The following MAGI2 variants were observed in gnomAD, a reference collection of about 807,000 sequenced individuals.
MAGI2 encodes the protein membrane-associated guanylate kinase, WW and PDZ domain-containing protein 2.
A neutral mutation model predicts 133.3 loss-of-function variants in MAGI2; 35 were observed. The ratio of observed to expected loss-of-function variants is 0.26; its 90% CI spans 0.20 to 0.35. MAGI2 has a LOEUF of 0.35. Ranked by LOEUF, MAGI2 falls within the 10% of genes least tolerant of loss-of-function variation. The pLI, the probability that MAGI2 is intolerant of heterozygous loss-of-function variation, is 1.00. For missense variants in MAGI2, 1,636 were observed against 1,863.4 expected (o/e 0.88, Z 2.25); for synonymous variants, 729 against 710.6 (o/e 1.03, Z -0.41).
At chr7:79,227,613 C>A (rs931901901) in intron 1 of MAGI2, among the ~76,000 whole-genome samples, 27 of 152,150 alleles carry the variant, frequency 1.8e-4, no homozygotes, top group Non-Finnish European at 3.4e-4. Context: ...TATAATGTCA[C>A]TTCTTTCTCT....
chr7:78,557,206 G>A (rs905760318), intron 3 of MAGI2, among the ~76,000 whole-genome samples: 2 of 151,756 alleles, frequency 1.3e-5, no homozygotes, highest in African/African-American at 4.8e-5. Context: ...ACTCAGTGAT[G>A]TGAGTTTTAC....
rs369277824 is a variant in MAGI2, at chr7:78,968,611, C to T, written c.418+38479G>A. ...TTGATCTTCATAGTATAGCACTTTT[C>T]AGCTATTGTTATATTACATACAGCT... On this transcript the variant is annotated intron_variant, in intron 2 of 21. Coordinates refer to ENST00000354212, the MANE Select transcript of MAGI2 (RefSeq NM_012301.4). Among the ~76,000 whole-genome samples the T allele has an allele frequency of 1.5e-4, 23 of 152,138 alleles. No individual in the cohort carries two copies. The South Asian group carries it at 3.1e-3, about 21-fold the overall frequency.
At chr7:78,405,856 A>G (rs1469934584) in intron 6 of MAGI2, among the ~76,000 whole-genome samples, 5 of 152,002 alleles carry the variant, frequency 3.3e-5, no homozygotes, top group Non-Finnish European at 5.9e-5. Context: ...ATTGTCTACA[A>G]AAAACAATAA....
chr7:78,588,743 A>G (rs942100969), intron 3 of MAGI2, among the ~76,000 whole-genome samples: 7 of 152,226 alleles, frequency 4.6e-5, no homozygotes, highest in Non-Finnish European at 8.8e-5. Context: ...AGAATTTGCC[A>G]TAATAAAGCA....
rs1410780276 is a variant in MAGI2 at position 79,201,261 on chromosome 7, G to GCTTACT, written c.302-194061_302-194056dup. 2.0e-5 allele frequency among the ~76,000 whole-genome samples: 3 copies of GCTTACT among 152,004 alleles called. No homozygotes were observed. The East Asian group carries it at 5.8e-4, about 29-fold the overall frequency. On this transcript the variant is annotated intron_variant, in intron 1 of 21. Coordinates refer to ENST00000354212, the MANE Select transcript of MAGI2 (RefSeq NM_012301.4). The stretch of plus-strand genomic sequence containing the variant: ...AGGTAGTGGACCAAAAATAGACTTT[G>GCTTACT]CTTACTTCACAGTTTTGCCTAGGGC...
Position 78,065,555 on chromosome 7 carries a change from T to A in MAGI2, c.3706+13392A>T, listed in dbSNP as rs1403603544. 9 of 673,680 alleles carry A rather than the reference T, an allele frequency of 1.3e-5. No individual in the cohort carries two copies. The East Asian group carries it at 1.3e-4, about 10-fold the overall frequency. 41.7% of individuals were successfully genotyped at this position (673,680 alleles called of 1,614,324 possible). A position where few individuals can be genotyped will look rare whatever the true frequency, so the allele number is the denominator to read the frequency against. On this transcript the variant is annotated intron_variant, in intron 21 of 21. Transcript: ENST00000354212. ...AAGGCTCATTAGAGAAAGATAATAT[T>A]CATGCAGATTTTACAAACCGTGTCT...
chr7:78,298,859 A>G (rs1265933826), intron 9 of MAGI2, among the ~76,000 whole-genome samples: 3 of 121,824 alleles, frequency 2.5e-5, no homozygotes, highest in African/African-American at 9.7e-5. Flanking sequence ...TCTGTTGCCC[A>G]GGCTGGAGTG....
chr7:78,126,193 G>GGTGTGTGT (rs3085805), intron 19 of MAGI2, among the ~76,000 whole-genome samples: 34,116 of 148,900 alleles, frequency 0.23, 4,171 homozygotes, highest in African/African-American at 0.31. Flanking sequence ...ATAAATGTCA[G>GGTGTGTGT]GTGTGTGTGT....
At chr7:78,381,646 C>A (rs1722601547) in intron 6 of MAGI2, among the ~76,000 whole-genome samples, 1 of 152,026 alleles carries the variant, frequency 6.6e-6, no homozygotes. Flanking sequence ...ATGCAAAAGC[C>A]AGGAATAGAG....
At chr7:78,884,110 A>G (rs554848920) in intron 2 of MAGI2, among the ~76,000 whole-genome samples, 6 of 152,326 alleles carry the variant, frequency 3.9e-5, no homozygotes, top group African/African-American at 1.4e-4. Context: ...TATGCATCCA[A>G]CAAAGGTCTA....
intron 2 of MAGI2, among the ~76,000 whole-genome samples, chr7:78,764,556 A>C: frequency 6.6e-6 from 1 of 152,224 alleles, no homozygotes; most frequent in African/African-American, 2.4e-5. Flanking sequence ...TTTTCCCCCC[A>C]TCCCAAATGT....
At chr7:78,926,715 G>A (rs1799720282) in intron 2 of MAGI2, among the ~76,000 whole-genome samples, 1 of 152,020 alleles carries the variant, frequency 6.6e-6, no homozygotes, top group African/African-American at 2.4e-5. Context: ...TAAGAAATGA[G>A]TTAATGATTT....
intron 1 of MAGI2, among the ~76,000 whole-genome samples, chr7:79,418,481 A>G (rs893836865): frequency 2.0e-5 from 3 of 152,104 alleles, no homozygotes; most frequent in African/African-American, 7.2e-5. Flanking sequence ...CAAGTGATCA[A>G]CAGCGCCACA....
intron 3 of MAGI2, among the ~76,000 whole-genome samples, chr7:78,595,125 C>T (rs1232708561): frequency 1.3e-5 from 2 of 149,736 alleles, no homozygotes; most frequent in Non-Finnish European, 2.9e-5. Flanking sequence ...TACTGGGCCA[C>T]AGGAATAAGC....
intron 3 of MAGI2, among the ~76,000 whole-genome samples, chr7:78,588,948 A>T (rs1478048393): frequency 2.0e-5 from 3 of 152,222 alleles, no homozygotes; most frequent in Non-Finnish European, 4.4e-5. Flanking sequence ...TGACTTGCCC[A>T]CTGTCAGGAA....
At chr7:78,659,278 A>G (rs898784827) in intron 2 of MAGI2, among the ~76,000 whole-genome samples, 1 of 151,802 alleles carries the variant, frequency 6.6e-6, no homozygotes, top group Admixed American at 6.6e-5. Context: ...ATGAAACCCC[A>G]TCTCTATTAA....
chr7:78,277,273 A>G (rs1795145883), intron 9 of MAGI2, among the ~76,000 whole-genome samples: 1 of 152,324 alleles, frequency 6.6e-6, no homozygotes, highest in Middle Eastern at 3.4e-3. Context: ...TTCAATGTGT[A>G]ATTCCCATTT....
At chr7:78,772,191 C>T (rs1048045348) in intron 2 of MAGI2, among the ~76,000 whole-genome samples, 1 of 152,178 alleles carries the variant, frequency 6.6e-6, no homozygotes, top group African/African-American at 2.4e-5. Flanking sequence ...TCTTCTATCT[C>T]TACCACTGAA....
chr7:78,142,129 G>A (rs1302794426), intron 16 of MAGI2, among the ~76,000 whole-genome samples: 1 of 152,116 alleles, frequency 6.6e-6, no homozygotes, highest in African/African-American at 2.4e-5. Flanking sequence ...CTAGCTTCAT[G>A]TGACCTGGGC....
Sources: allele counts gnomAD v4.1 joint callset (sites outside exome capture counted in the v4.1 genomes callset), GRCh38; gene constraint gnomAD v4.1.1; transcripts MANE v1.5; gene names NCBI Gene and HGNC (gene_info 2026-07-23, HGNC 2026-07-21).